Variants in ROBO1 observed in about 807,000 individuals in gnomAD.
ROBO1 encodes roundabout homolog 1.
In ROBO1, 149 loss-of-function variants were observed where a neutral mutation model predicts 195.9. The observed-to-expected ratio is 0.76, with a 90% confidence interval of 0.67 to 0.87. ROBO1 has a LOEUF of 0.87. Among genes scored for constraint, ROBO1 ranks in the 40% least tolerant of loss-of-function variants. The pLI is 0.00. For missense variants in ROBO1, 1,933 were observed against 2,068.3 expected (o/e 0.93, Z 1.27); for synonymous variants, 816 against 733.2 (o/e 1.11, Z -1.82).
intron 3 of ROBO1, among the ~76,000 whole-genome samples, chr3:79,105,241 C>T (rs942214935): frequency 6.6e-6 from 1 of 151,562 alleles, no homozygotes; most frequent in Non-Finnish European, 1.5e-5. Context: ...TAAAAATTGA[C>T]AAAGAATTCC....
chr3:79,165,533 T>G (rs1207923207), intron 2 of ROBO1, among the ~76,000 whole-genome samples: 1 of 152,204 alleles, frequency 6.6e-6, no homozygotes, highest in East Asian at 1.9e-4. Context: ...CAGAAATCAG[T>G]GTCAAAACGT....
intron 2 of ROBO1, among the ~76,000 whole-genome samples, chr3:79,333,135 G>A (rs984395951): frequency 8.6e-5 from 13 of 151,578 alleles, no homozygotes; most frequent in Non-Finnish European, 1.3e-4. Context: ...CCTGAGAGGC[G>A]GAGGTTCCAG....
intron 4 of ROBO1, among the ~76,000 whole-genome samples, chr3:78,817,102 A>G (rs72894463): frequency 0.031 from 4,647 of 152,314 alleles, 189 homozygotes; most frequent in African/African-American, 0.095. Context: ...AATGTGATCA[A>G]ACAGTGGCAC....
At chr3:78,821,971 G>C (rs1261276404) in intron 4 of ROBO1, among the ~76,000 whole-genome samples, 1 of 151,890 alleles carries the variant, frequency 6.6e-6, no homozygotes, top group Non-Finnish European at 1.5e-5. Context: ...TGTAGACAAC[G>C]GGCCAATGCC....
chr3:79,250,532 T>C lies in ROBO1; in HGVS notation c.89-124993A>G, dbSNP rs1424034335. 2.6e-5 allele frequency among the ~76,000 whole-genome samples: 4 copies of C among 152,180 alleles called. No homozygotes were observed. The East Asian group carries it at 7.7e-4, about 29-fold the overall frequency. ...ATATCTAGTTTCAAGCTATGTTTTC[T>C]GGCTGTACGTTTGAAAATTTATAAT... is the stretch of plus-strand genomic sequence containing the variant. On this transcript the variant is annotated intron_variant, in intron 2 of 30. Transcript: ENST00000464233.
intron 14 of ROBO1, among the ~76,000 whole-genome samples, chr3:78,666,685 GC>G (rs1196041986): frequency 6.6e-6 from 1 of 152,114 alleles, no homozygotes; most frequent in Non-Finnish European, 1.5e-5. Flanking sequence ...ACAAACGTGG[GC>G]ATGTTCTACA....
Position 79,699,365 on chromosome 3 carries a change from T to G in ROBO1, c.-51+68387A>C, listed in dbSNP as rs1289616444. Among the ~76,000 whole-genome samples, 2 of 151,654 alleles carry G rather than the reference T, an allele frequency of 1.3e-5. 1 individual carries two copies. The highest frequency in any genetic ancestry group is 3.9e-4 in the East Asian group (2 of 5,140). The stretch of plus-strand genomic sequence containing the variant: ...GCAACAGAACATGATTTGTGCGCCT[T>G]CCAGGTTTGTCTGACATCTGAAAAG... On this transcript the variant is annotated intron_variant, in intron 1 of 30. Transcript: ENST00000464233.
rs367592705 is a variant in ROBO1, at chr3:79,625,694, T to A, written c.-50-35733A>T. 7.2e-5 allele frequency among the ~76,000 whole-genome samples: 11 copies of A among 152,008 alleles called. No individual in the cohort carries two copies. The South Asian group carries it at 1.0e-3, about 14-fold the overall frequency. The stretch of plus-strand genomic sequence containing the variant: ...ATGCCTGAATAGACCAATAACAAGT[T>A]CTGAAGTTAAGGCAGTAATTAAAAG... On this transcript the variant is annotated intron_variant, in intron 1 of 30. Transcript: ENST00000464233.
At chr3:79,646,980 C>A (rs187719501) in intron 1 of ROBO1, among the ~76,000 whole-genome samples, 9 of 151,900 alleles carry the variant, frequency 5.9e-5, no homozygotes, top group South Asian at 4.2e-4. Flanking sequence ...AGAAATAAGA[C>A]CTGGTGTTAG....
At chr3:79,433,690 G>A (rs2107057728) in intron 2 of ROBO1, among the ~76,000 whole-genome samples, 1 of 152,192 alleles carries the variant, frequency 6.6e-6, no homozygotes, top group Non-Finnish European at 1.5e-5. Context: ...TCACAGAATT[G>A]GAAAAAACTA....
At chr3:79,702,429 T>A (rs997686046) in intron 1 of ROBO1, among the ~76,000 whole-genome samples, 1 of 151,882 alleles carries the variant, frequency 6.6e-6, no homozygotes, top group Non-Finnish European at 1.5e-5. Flanking sequence ...CATTGTCTCT[T>A]CTTTTTCAAA....
At chr3:78,692,006 TTTG>T (rs1237720375) in intron 8 of ROBO1, among the ~76,000 whole-genome samples, 3 of 151,528 alleles carry the variant, frequency 2.0e-5, no homozygotes, top group Non-Finnish European at 4.4e-5. Flanking sequence ...TTTAGGCATT[TTTG>T]TTGTTGTATC....
intron 28 of ROBO1, 80 bp downstream of exon 28, chr3:78,614,562 CGTCAGT>C: frequency 7.3e-7 from 1 of 1,373,574 alleles, no homozygotes; most frequent in Non-Finnish European, 9.9e-7. Flanking sequence ...TAATTTCTAA[CGTCAGT>C]GAATGCATTT....
chr3:79,370,769 C>T (rs1174937407), intron 2 of ROBO1, among the ~76,000 whole-genome samples: 4 of 151,844 alleles, frequency 2.6e-5, no homozygotes, highest in African/African-American at 7.3e-5. Flanking sequence ...GCTACACCTA[C>T]CACCCCATCA....
Position 78,668,458 on chromosome 3 carries a change from T to A in ROBO1, c.1630+26A>T, listed in dbSNP as rs554951893. 100 of 1,612,140 alleles carry A rather than the reference T, an allele frequency of 6.2e-5. 1 individual carries two copies. The East Asian group carries it at 2.1e-3, about 33-fold the overall frequency. ...AACAACTGCATTTTAAGCTTCACTTTAAGGGAAACACACCATTTACTTTAC... is the reference window on the plus strand; with the variant it reads ...AACAACTGCATTTTAAGCTTCACTTAAAGGGAAACACACCATTTACTTTAC... On this transcript the variant is annotated intron_variant, in intron 12 of 30. Coordinates refer to ENST00000464233, the MANE Select transcript of ROBO1 (RefSeq NM_002941.4).
At chr3:79,533,020 G>A in intron 2 of ROBO1, 1 of 349,102 alleles carries the variant, frequency 2.9e-6, no homozygotes, top group Non-Finnish European at 5.6e-6. Context: ...GTACCTTGGA[G>A]AAGAATTGAT....
intron 23 of ROBO1, among the ~76,000 whole-genome samples, chr3:78,635,242 G>A (rs2107528289): frequency 6.6e-6 from 1 of 152,204 alleles, no homozygotes; most frequent in East Asian, 1.9e-4. Flanking sequence ...GGTCAACCAA[G>A]GAAATTTAGG....
chr3:78,672,410 C>A (rs772043455), intron 10 of ROBO1, among the ~76,000 whole-genome samples: 1 of 151,756 alleles, frequency 6.6e-6, no homozygotes, highest in Admixed American at 6.6e-5. Context: ...AAAACCCCAT[C>A]TCCACAAAAA....
At chr3:79,669,425 C>A (rs1434845650) in intron 1 of ROBO1, among the ~76,000 whole-genome samples, 1 of 151,856 alleles carries the variant, frequency 6.6e-6, no homozygotes, top group East Asian at 1.9e-4. Context: ...AACTGAGTAA[C>A]ACAATCGTAA....
Sources: allele counts gnomAD v4.1 joint callset (sites outside exome capture counted in the v4.1 genomes callset), GRCh38; gene constraint gnomAD v4.1.1; transcripts MANE v1.5; gene names NCBI Gene and HGNC (gene_info 2026-07-23, HGNC 2026-07-21).